The following ATP8B4 variants were observed in gnomAD, a reference collection of about 807,000 sequenced individuals.
ATP8B4 encodes probable phospholipid-transporting ATPase IM.
ATP8B4 carries 133 observed loss-of-function variants against 145.6 expected under a neutral mutation model. The ratio of observed to expected loss-of-function variants is 0.91; its 90% confidence interval spans 0.79 to 1.05. The LOEUF (loss-of-function observed/expected upper bound fraction) is 1.05, where lower values mean the gene tolerates loss of function less well. Ranked by LOEUF, ATP8B4 falls within the 50% of genes least tolerant of loss-of-function variation. The pLI, the probability that ATP8B4 is intolerant of heterozygous loss-of-function variation, is 0.00. For missense variants in ATP8B4, 1,458 were observed against 1,425.2 expected (o/e 1.02, Z -0.37); for synonymous variants, 507 against 492.9 (o/e 1.03, Z -0.38).
intron 3 of ATP8B4, among the ~76,000 whole-genome samples, chr15:50,069,281 C>T (rs898321509): frequency 2.0e-5 from 3 of 152,162 alleles, no homozygotes; most frequent in African/African-American, 7.2e-5. Flanking sequence ...GAATCATTAA[C>T]CTTATCTTTT....
intron 15 of ATP8B4, among the ~76,000 whole-genome samples, chr15:49,933,490 A>G (rs757129742): frequency 4.6e-5 from 7 of 152,086 alleles, no homozygotes; most frequent in African/African-American, 7.2e-5. Flanking sequence ...CCAAACAACC[A>G]TCTCACAAGT....
chr15:49,997,398 T>G (rs910556974), intron 8 of ATP8B4, among the ~76,000 whole-genome samples: 2 of 152,142 alleles, frequency 1.3e-5, no homozygotes, highest in African/African-American at 4.8e-5. Context: ...TGGCCATCAC[T>G]TACGTCTTGT....
rs538644850 is a variant in ATP8B4 at position 49,875,795 on chromosome 15, C to A, written c.3027+483G>T. Among the ~76,000 whole-genome samples the A allele has an allele frequency of 5.3e-5, 8 of 152,272 alleles. No homozygotes were observed. In the South Asian group the frequency reaches 1.7e-3, roughly 32 times the overall value. On this transcript the variant is annotated intron_variant, in intron 25 of 27. Coordinates refer to ENST00000284509, the MANE Select transcript of ATP8B4 (RefSeq NM_024837.4). ...ATGGAACCTCAAAAAATCATCCCCA[C>A]CAGAAGAGCTCCTCTGAGTGTGAGA...
chr15:49,911,152 A>G (rs1176583235), intron 20 of ATP8B4, among the ~76,000 whole-genome samples: 2 of 152,146 alleles, frequency 1.3e-5, no homozygotes, highest in African/African-American at 4.8e-5. Context: ...GCAACTTTCA[A>G]TGGAAATGAA....
At chr15:50,014,911 A>G (rs2048976192) in intron 6 of ATP8B4, among the ~76,000 whole-genome samples, 1 of 152,184 alleles carries the variant, frequency 6.6e-6, no homozygotes, top group African/African-American at 2.4e-5. Context: ...AACTGATCCT[A>G]CAGGTACTCA....
chr15:50,108,341 G>C (rs537105053), intron 1 of ATP8B4, among the ~76,000 whole-genome samples: 14 of 152,182 alleles, frequency 9.2e-5, no homozygotes, highest in Admixed American at 8.5e-4. Context: ...CAAAGCCAGA[G>C]TTATCATTAT....
Position 49,897,331 on chromosome 15 carries a change from C to T in ATP8B4, c.2658G>A (p.Val886=), listed in dbSNP as rs771780509. ...CACAGAAGAAACCAAACCAGAAATG[C>T]ACAAGTGTAAATGCAAAATTCTTAT... ...FFYKNFAFTL[V]HFWFGFFCGF... is the part of the protein sequence containing the mutation. Residue 886 remains valine (V), a synonymous_variant, in exon 23 of 28, where the codon GTG becomes GTA. Coordinates refer to ENST00000284509, the MANE Select transcript of ATP8B4 (RefSeq NM_024837.4). 134 of 1,612,788 alleles carry T rather than the reference C, an allele frequency of 8.3e-5. 1 individual carries two copies. In the South Asian group the frequency reaches 1.4e-3, roughly 17 times the overall value.
At chr15:50,129,598 A>G (rs540917750) in intron 1 of ATP8B4, among the ~76,000 whole-genome samples, 47 of 152,190 alleles carry the variant, frequency 3.1e-4, no homozygotes, top group Non-Finnish European at 6.0e-4. Context: ...TAACATCTGC[A>G]AAGACTCCAT....
intron 3 of ATP8B4, among the ~76,000 whole-genome samples, chr15:50,056,886 C>CTTTTTATT (rs932963303): frequency 3.3e-5 from 5 of 151,792 alleles, no homozygotes; most frequent in African/African-American, 1.2e-4. Context: ...AGATTAATTT[C>CTTTTTATT]TTTTTATTTT....
intron 14 of ATP8B4, among the ~76,000 whole-genome samples, chr15:49,946,003 A>G (rs368756953): frequency 2.0e-5 from 3 of 152,344 alleles, no homozygotes; most frequent in South Asian, 4.1e-4. Flanking sequence ...TAGCCAGTGC[A>G]GTTAGACAAG....
At chr15:50,122,288 G>A (rs1323581439), upstream of ATP8B4, among the ~76,000 whole-genome samples, 3 of 152,018 alleles carry the variant, frequency 2.0e-5, no homozygotes, top group African/African-American at 7.2e-5. Context: ...ACACTTTGTG[G>A]GACATAGAAA....
chr15:49,993,464 G>A (rs1039964929), intron 9 of ATP8B4, among the ~76,000 whole-genome samples: 1 of 152,068 alleles, frequency 6.6e-6, no homozygotes, highest in Non-Finnish European at 1.5e-5. Flanking sequence ...CGAAGGCCAA[G>A]GAAAGCAAGA....
chr15:50,138,338 A>G (rs776655779), intron 1 of ATP8B4, among the ~76,000 whole-genome samples: 1 of 49,164 alleles, frequency 2.0e-5, no homozygotes, highest in African/African-American at 4.1e-5. Context: ...AGATAGATAG[A>G]TAGATAGATA....
At chr15:50,092,503 G>A (rs541245279) in intron 2 of ATP8B4, among the ~76,000 whole-genome samples, 20 of 151,950 alleles carry the variant, frequency 1.3e-4, no homozygotes, top group African/African-American at 4.8e-4. Flanking sequence ...TAACAAGATG[G>A]AAAATTTCAC....
upstream of ATP8B4, among the ~76,000 whole-genome samples, chr15:50,120,930 C>T (rs1772508368): frequency 6.6e-6 from 1 of 152,098 alleles, no homozygotes; most frequent in Admixed American, 6.6e-5. Flanking sequence ...CATTATAGAA[C>T]TTACCTCATA....
In ATP8B4 at chr15:49,884,130, AT is replaced by A. The variant is rs568734276; in HGVS notation, c.2698-4672del. On this transcript the variant is annotated intron_variant, in intron 23 of 27. Transcript: ENST00000284509. ...TTAACAAATTAATAAAAGTATTTAG[AT>A]TTTTTTCTTCATTTTCATTCCTAAG... is the stretch of plus-strand genomic sequence containing the variant. Among the ~76,000 whole-genome samples the A allele has an allele frequency of 4.6e-5, 7 of 152,246 alleles. No homozygotes were observed. In the South Asian group the frequency reaches 1.2e-3, roughly 27 times the overall value.
intron 20 of ATP8B4, among the ~76,000 whole-genome samples, chr15:49,904,723 A>G (rs751034279): frequency 6.6e-6 from 1 of 152,194 alleles, no homozygotes; most frequent in Non-Finnish European, 1.5e-5. Flanking sequence ...CCTGTTCCTG[A>G]AGCCATTTGC....
chr15:50,020,758 C>A (rs1332818515), intron 6 of ATP8B4, among the ~76,000 whole-genome samples: 2 of 152,106 alleles, frequency 1.3e-5, no homozygotes, highest in African/African-American at 4.8e-5. Flanking sequence ...CCCAGTACAC[C>A]AACATATTGC....
chr15:49,951,089 C>T (rs2043061587), intron 14 of ATP8B4, among the ~76,000 whole-genome samples: 1 of 152,102 alleles, frequency 6.6e-6, no homozygotes, highest in Non-Finnish European at 1.5e-5. Context: ...AGTTCTTTTG[C>T]ATTTGCTGAG....
Sources: gnomAD v4.1 joint callset for allele counts (sites outside exome capture counted in the v4.1 genomes callset) on GRCh38, gnomAD v4.1.1 for gene constraint, MANE v1.5 for transcripts, NCBI Gene and HGNC (gene_info 2026-07-23, HGNC 2026-07-21) for gene names.